MALRD1: variants seen among roughly 807,000 people sequenced by gnomAD.
MALRD1 encodes MAM and LDL receptor class A domain containing 1.
A neutral mutation model predicts 242.1 loss-of-function variants in MALRD1; 247 were observed. That is an observed-to-expected ratio of 1.02 (90% CI 0.92 to 1.13). The LOEUF (loss-of-function observed/expected upper bound fraction) is 1.13, where lower values mean the gene tolerates loss of function less well. Among genes scored for constraint, MALRD1 ranks in the 50% most tolerant of loss-of-function variants. MALRD1 has a pLI of 0.00. For synonymous variants in MALRD1, 995 were observed against 866.6 expected, an observed-to-expected ratio of 1.15 and a Z score of -2.60; for missense variants, 2,989 against 2,533.1, an observed-to-expected ratio of 1.18 and a Z score of -3.86.
intron 36 of MALRD1, among the ~76,000 whole-genome samples, chr10:19,628,507 C>A (rs1839773061): frequency 1.3e-5 from 2 of 151,776 alleles, no homozygotes; most frequent in East Asian, 1.9e-4. Flanking sequence ...AATGCAAATG[C>A]CAGAATAATA....
intron 28 of MALRD1, among the ~76,000 whole-genome samples, chr10:19,413,971 A>AC (rs538744470): frequency 0.012 from 1,810 of 151,698 alleles, 22 homozygotes; most frequent in Middle Eastern, 0.044. Flanking sequence ...AAACCAAAAA[A>AC]AAAAAAACAA....
intron 28 of MALRD1, among the ~76,000 whole-genome samples, chr10:19,437,459 A>G (rs1323073377): frequency 2.6e-5 from 4 of 151,974 alleles, no homozygotes; most frequent in Non-Finnish European, 4.4e-5. Context: ...ACGTGTTTCA[A>G]TCTTAACATT....
rs559609233 is a variant in MALRD1, at chr10:19,095,570, G to C, written c.597+7385G>C. Among the ~76,000 whole-genome samples the C allele has an allele frequency of 4.6e-5, 7 of 152,024 alleles. No individual in the cohort carries two copies. The East Asian group carries it at 1.4e-3, about 30-fold the overall frequency. ...AGATTAATTTGGGGCTCTTGGATGT[G>C]GTAGGTACAATGAAGGGAAGGTTCC... On this transcript the variant is annotated intron_variant, in intron 4 of 39. Coordinates refer to ENST00000454679, the MANE Select transcript of MALRD1 (RefSeq NM_001142308.3).
At chr10:19,638,574 ATGTCTAGAAGAAG>A (rs1371555904) in intron 36 of MALRD1, among the ~76,000 whole-genome samples, 1 of 152,202 alleles carries the variant, frequency 6.6e-6, no homozygotes. Context: ...AGGAAGTGGA[ATGTCTAGAAGAAG>A]TGTTGTTTTT....
At chr10:19,659,354 A>G (rs1443607876) in intron 36 of MALRD1, among the ~76,000 whole-genome samples, 2 of 152,122 alleles carry the variant, frequency 1.3e-5, no homozygotes, top group African/African-American at 4.8e-5. Context: ...ATGTTTGTGT[A>G]TTTCACAAAT....
At chr10:19,658,277 T>G (rs1275660387) in intron 36 of MALRD1, among the ~76,000 whole-genome samples, 2 of 152,212 alleles carry the variant, frequency 1.3e-5, no homozygotes, top group African/African-American at 4.8e-5. Flanking sequence ...TTGAGACCTC[T>G]TTAAACGTTG....
chr10:19,279,562 T>C (rs1014359055), intron 19 of MALRD1, among the ~76,000 whole-genome samples: 1 of 152,230 alleles, frequency 6.6e-6, no homozygotes, highest in African/African-American at 2.4e-5. Context: ...AATTTCTAGA[T>C]GAGGATTTCT....
chr10:19,313,418 G>A (rs1842512572), intron 21 of MALRD1, among the ~76,000 whole-genome samples: 1 of 151,380 alleles, frequency 6.6e-6, no homozygotes, highest in African/African-American at 2.4e-5. Flanking sequence ...AGATGTGAAT[G>A]TTTTTTGGCC....
At chr10:19,540,711 T>C (rs1450200206) in intron 32 of MALRD1, among the ~76,000 whole-genome samples, 1 of 152,120 alleles carries the variant, frequency 6.6e-6, no homozygotes, top group African/African-American at 2.4e-5. Flanking sequence ...TCTCCAGGCA[T>C]ATGTTGAGTG....
At chr10:19,431,456 G>A (rs1017779486) in intron 28 of MALRD1, among the ~76,000 whole-genome samples, 26 of 151,986 alleles carry the variant, frequency 1.7e-4, no homozygotes, top group Admixed American at 1.1e-3. Flanking sequence ...AAAATTATCC[G>A]ATTCCCTTAT....
In MALRD1 at chr10:19,352,302, A is replaced by G. The variant is rs7092566; in HGVS notation, c.4441+5A>G. On this transcript the variant is annotated splice_donor_5th_base_variant and intron_variant, in intron 26 of 39. Coordinates refer to ENST00000454679, the MANE Select transcript of MALRD1 (RefSeq NM_001142308.3). ...TGGCAGTGCCTCTTCCAACAGGTACATTCTAATCTGTGTGTGTGTGTGGTA... is the reference window on the plus strand; with the variant it reads ...TGGCAGTGCCTCTTCCAACAGGTACGTTCTAATCTGTGTGTGTGTGTGGTA... 922,368 of 1,533,916 alleles carry G rather than the reference A, an allele frequency of 0.6. 277,077 individuals are homozygous for G. Among genetic ancestry groups the G allele is most frequent in the African/African-American group, 0.68 (47,051 of 68,912 alleles).
chr10:19,322,158 T>A (rs907827186), intron 21 of MALRD1, among the ~76,000 whole-genome samples: 1 of 152,134 alleles, frequency 6.6e-6, no homozygotes, highest in African/African-American at 2.4e-5. Flanking sequence ...GTTAAATAAA[T>A]CATATACATA....
chr10:19,390,181 C>T (rs1846278976), intron 28 of MALRD1, among the ~76,000 whole-genome samples: 1 of 152,208 alleles, frequency 6.6e-6, no homozygotes, highest in Non-Finnish European at 1.5e-5. Flanking sequence ...TACATTTCTT[C>T]TTCCTATTTA....
chr10:19,149,911 T>A (rs1040255802), intron 11 of MALRD1, among the ~76,000 whole-genome samples: 2 of 152,228 alleles, frequency 1.3e-5, no homozygotes, highest in East Asian at 1.9e-4. Flanking sequence ...TGTTCCAGAA[T>A]GTCTTGAAAA....
chr10:19,474,657 T>A (rs1836647679), intron 29 of MALRD1, among the ~76,000 whole-genome samples: 1 of 151,972 alleles, frequency 6.6e-6, no homozygotes, highest in African/African-American at 2.4e-5. Context: ...AGAAAGTAAA[T>A]GATAATATAA....
intron 28 of MALRD1, among the ~76,000 whole-genome samples, chr10:19,445,966 G>T (rs974063562): frequency 6.6e-6 from 1 of 152,148 alleles, no homozygotes; most frequent in Non-Finnish European, 1.5e-5. Flanking sequence ...CTTCCTGGTC[G>T]CTTTGTTTAC....
intron 36 of MALRD1, among the ~76,000 whole-genome samples, chr10:19,644,897 A>G (rs1172181648): frequency 6.6e-6 from 1 of 152,208 alleles, no homozygotes; most frequent in Non-Finnish European, 1.5e-5. Context: ...AGTGCAGATA[A>G]GAAAGCAATA....
intron 21 of MALRD1, among the ~76,000 whole-genome samples, chr10:19,302,804 G>T (rs897818540): frequency 1.3e-5 from 2 of 151,628 alleles, no homozygotes; most frequent in Non-Finnish European, 2.9e-5. Context: ...TAAAAAGGAG[G>T]TAAATATTCA....
intron 13 of MALRD1, among the ~76,000 whole-genome samples, chr10:19,166,521 G>T (rs1834692941): frequency 6.6e-6 from 1 of 152,162 alleles, no homozygotes; most frequent in Non-Finnish European, 1.5e-5. Context: ...TGATAGCACA[G>T]TAGGGCAATT....
Sources: allele counts gnomAD v4.1 joint callset (sites outside exome capture counted in the v4.1 genomes callset), GRCh38; gene constraint gnomAD v4.1.1; transcripts MANE v1.5; gene names NCBI Gene and HGNC (gene_info 2026-07-23, HGNC 2026-07-21).